ZNF33B: variants seen among roughly 807,000 people sequenced by gnomAD.
The protein encoded by ZNF33B is zinc finger protein 11b (KOX 2).
Under a neutral mutation model 45.8 loss-of-function variants are expected in ZNF33B, and 29 were observed. The observed-to-expected ratio is 0.63, with a 90% CI of 0.47 to 0.86. ZNF33B has a LOEUF of 0.86. Among genes scored for constraint, ZNF33B ranks in the 40% least tolerant of loss-of-function variants. The pLI is 0.00. For synonymous variants in ZNF33B, 305 were observed against 307.8 expected (o/e 0.99, Z 0.10); for missense variants, 831 against 909.9 (o/e 0.91, Z 1.12).
chr10:42,600,076 A>G (rs1321718197), intron 4 of ZNF33B, among the ~76,000 whole-genome samples: 4 of 152,042 alleles, frequency 2.6e-5, no homozygotes, highest in African/African-American at 7.2e-5. Flanking sequence ...CAATCCTTTT[A>G]TATTTATTAA....
At position 42,590,290 on chromosome 10, in the gene ZNF33B, G is replaced by C. The variant is rs1042055695; in HGVS notation, c.*2323C>G. 5 of 152,298 alleles carry C rather than the reference G, an allele frequency of 3.3e-5. No homozygotes were observed. The highest frequency in any genetic ancestry group is 2.0e-4 in the Admixed American group (3 of 15,294). 9.4% of individuals were successfully genotyped at this position (152,298 alleles called of 1,614,324 possible). Reference sequence around the variant, plus strand: ...ATCCCTGCTTTTATTTTCTGAAAGAGACAGTACAGACTTGGTATCATTTCT... The same window carrying C: ...ATCCCTGCTTTTATTTTCTGAAAGACACAGTACAGACTTGGTATCATTTCT... On this transcript the variant is annotated 3_prime_UTR_variant, in exon 5 of 5. Transcript: ENST00000359467.
intron 1 of ZNF33B, among the ~76,000 whole-genome samples, chr10:42,576,904 G>A (rs767110672): frequency 3.3e-5 from 5 of 152,028 alleles, no homozygotes; most frequent in East Asian, 1.9e-4. Flanking sequence ...AGGCCAAGGC[G>A]GCTGGATCAC....
downstream of ZNF33B, among the ~76,000 whole-genome samples, chr10:42,584,444 C>T (rs543094694): frequency 3.3e-5 from 5 of 152,160 alleles, no homozygotes; most frequent in South Asian, 8.3e-4. Context: ...GGACAGGGTG[C>T]TGCTCCACAA....
Position 42,575,676 on chromosome 10 carries a change from G to A in ZNF33B, c.74-998C>T, listed in dbSNP as rs75047505. On this transcript the variant is annotated intron_variant, in intron 1 of 1. Transcript: ENST00000462075. ...TTATGTTAATTTAATTTCCCTGGTC[G>A]TGAAGACATTATAAGTTTATAATGA... Among the ~76,000 whole-genome samples the A allele has an allele frequency of 2.5e-4, 37 of 149,462 alleles. No individual in the cohort carries two copies. The East Asian group carries it at 3.3e-3, about 13-fold the overall frequency.
intron 1 of ZNF33B, among the ~76,000 whole-genome samples, chr10:42,580,056 G>A (rs2132012919): frequency 6.6e-6 from 1 of 152,274 alleles, no homozygotes; most frequent in Admixed American, 6.5e-5. Flanking sequence ...TCTCCTGGTA[G>A]GAGGAAATTA....
In ZNF33B at chr10:42,592,378, G is replaced by T; in HGVS notation, c.*235C>A. ...TCACAAATTCAAAAAAATCTGTGAG[G>T]TTTTATGCCAGTATTAACCATCTGA... On this transcript the variant is annotated 3_prime_UTR_variant, in exon 5 of 5. Transcript: ENST00000359467. 2 of 647,128 alleles carry T rather than the reference G, an allele frequency of 3.1e-6. No individual in the cohort carries two copies. The highest frequency in any genetic ancestry group is 4.6e-6 in the Non-Finnish European group (2 of 436,598). The allele number at this position is 647,128 out of a possible 1,614,324, so 40.1% of individuals were successfully genotyped here.
In ZNF33B at chr10:42,593,049, T is replaced by C; in HGVS notation, c.1901A>G (p.Glu634Gly). ...ACACTCATTACATTCATAGGGTTTC[T>C]CCCCTATGTGAATTCTCTGATGCTG... ...LTQHQRIHIG[E>G]KPYECNECGK... is the part of the protein sequence containing the mutation. Residue 634 changes from glutamate to glycine, a missense_variant, in exon 5 of 5, where the codon GAG becomes GGG. By Grantham distance (98) the Glu-to-Gly change is moderately conservative. Transcript: ENST00000359467. 1 of 1,614,142 alleles carries C rather than the reference T, an allele frequency of 6.2e-7. No homozygotes were observed. The highest frequency in any genetic ancestry group is 8.5e-7 in the Non-Finnish European group (1 of 1,179,988).
At position 42,593,295 on chromosome 10, in the gene ZNF33B, G is replaced by T. The variant is rs1837229416; in HGVS notation, c.1655C>A (p.Pro552His). 3.1e-6 allele frequency: 5 copies of T among 1,613,908 alleles called. No homozygotes were observed. Among genetic ancestry groups the T allele is most frequent in the Admixed American group, 1.7e-5 (1 of 59,982 alleles). Residue 552 changes from proline to histidine, a missense_variant, in exon 5 of 5, where the codon CCC (proline) becomes CAC (histidine). Pro to His is a moderately conservative substitution (Grantham distance 77, BLOSUM62 -2). Coordinates refer to ENST00000359467, the MANE Select transcript of ZNF33B (RefSeq NM_006955.3). ...TTTCCCACATTCAGGACATGCAAAG[G>T]GTTTCTCCCCTGTGTGCGTTCTCTG... ...IHQRTHTGEK[P>H]FACPECGKFF... is the part of the protein sequence containing the mutation.
At chr10:42,582,697 A>T (rs1434880432) in intron 1 of ZNF33B, 1 of 162,034 alleles carries the variant, frequency 6.2e-6, no homozygotes, top group East Asian at 1.8e-4. Context: ...TAAATCGGAT[A>T]AAACTTGAAT....
intron 4 of ZNF33B, among the ~76,000 whole-genome samples, chr10:42,598,378 T>TTGC (rs535599827): frequency 1.1e-3 from 168 of 152,318 alleles, no homozygotes; most frequent in African/African-American, 3.8e-3. Context: ...GTTCATGAGT[T>TTGC]TGCTGCTGCT....
chr10:42,587,755 G>A (rs1240516689), downstream of ZNF33B, among the ~76,000 whole-genome samples: 1 of 152,214 alleles, frequency 6.6e-6, no homozygotes, highest in African/African-American at 2.4e-5. Flanking sequence ...TTTGTATTGG[G>A]AGAGCAGAAG....
At chr10:42,579,983 C>G (rs1189086293) in intron 1 of ZNF33B, 2 of 154,290 alleles carry the variant, frequency 1.3e-5, no homozygotes, top group Admixed American at 1.3e-4. Context: ...CTGCCTTTTA[C>G]CAATCGTGGA....
Position 42,632,557 on chromosome 10 carries a change from CAG to C in ZNF33B, c.10-120_10-119del, listed in dbSNP as rs558239550. On this transcript the variant is annotated intron_variant, in intron 2 of 4. Coordinates refer to ENST00000359467, the MANE Select transcript of ZNF33B (RefSeq NM_006955.3). The stretch of plus-strand genomic sequence containing the variant: ...CTTTTAGGGAAAAAAGAAATCATAA[CAG>C]AAATATTCTGCCATTAATGCATTAA... 1.0e-5 allele frequency: 14 copies of C among 1,349,560 alleles called. No individual in the cohort carries two copies. In the Admixed American group the frequency reaches 3.9e-4, roughly 37 times the overall value. 83.6% of individuals were successfully genotyped at this position (1,349,560 alleles called of 1,614,324 possible).
At chr10:42,577,962 G>A (rs888108504) in intron 1 of ZNF33B, among the ~76,000 whole-genome samples, 6 of 152,264 alleles carry the variant, frequency 3.9e-5, no homozygotes, top group Admixed American at 3.3e-4. Flanking sequence ...GAGTGGGCAG[G>A]GGTCCTGGCC....
At chr10:42,588,039 GT>G (rs1836971619), downstream of ZNF33B, among the ~76,000 whole-genome samples, 2 of 152,096 alleles carry the variant, frequency 1.3e-5, no homozygotes, top group Admixed American at 1.3e-4. Flanking sequence ...ACCCAGGGGT[GT>G]GCAATAACAA....
chr10:42,617,980 T>C (rs1294449635), intron 4 of ZNF33B, among the ~76,000 whole-genome samples: 2 of 152,180 alleles, frequency 1.3e-5, no homozygotes, highest in Non-Finnish European at 2.9e-5. Context: ...GTGCTCACCC[T>C]ACCCCAAATT....
chr10:42,616,644 G>A (rs369640766), intron 4 of ZNF33B, among the ~76,000 whole-genome samples: 33 of 152,252 alleles, frequency 2.2e-4, no homozygotes, highest in African/African-American at 7.5e-4. Context: ...CTCTCATATA[G>A]AAAGTGTGCT....
At chr10:42,612,458 A>T (rs961002846) in intron 4 of ZNF33B, among the ~76,000 whole-genome samples, 3 of 151,886 alleles carry the variant, frequency 2.0e-5, no homozygotes, top group African/African-American at 7.3e-5. Flanking sequence ...CTGGTCTCGA[A>T]CTCCTCACAT....
At chr10:42,637,880 T>C (rs1839395494) in intron 1 of ZNF33B, among the ~76,000 whole-genome samples, 1 of 152,188 alleles carries the variant, frequency 6.6e-6, no homozygotes, top group South Asian at 2.1e-4. Flanking sequence ...CTCGAATTCC[T>C]GACCTCAGGT....
Sources: gnomAD v4.1 joint callset for allele counts (sites outside exome capture counted in the v4.1 genomes callset) on GRCh38, gnomAD v4.1.1 for gene constraint, MANE v1.5 for transcripts, NCBI Gene and HGNC (gene_info 2026-07-23, HGNC 2026-07-21) for gene names.